Variants in FCER1A observed in about 807,000 individuals in gnomAD.
The protein encoded by FCER1A is Fc epsilon receptor Ia, also known as high affinity immunoglobulin epsilon receptor subunit alpha.
Under a neutral mutation model 23.6 loss-of-function variants are expected in FCER1A, and 24 were observed. The observed-to-expected ratio is 1.02, with a 90% CI of 0.74 to 1.43. The LOEUF is 1.43. Ranked by LOEUF, FCER1A falls within the 40% of genes most tolerant of loss-of-function variation. The pLI is 0.00. For missense variants in FCER1A, 318 were observed against 294.5 expected (o/e 1.08, Z -0.58); for synonymous variants, 121 against 108.8 (o/e 1.11, Z -0.70).
At chr1:159,306,993 T>C (rs1473852757) in intron 4 of FCER1A, among the ~76,000 whole-genome samples, 1 of 152,246 alleles carries the variant, frequency 6.6e-6, no homozygotes, top group Non-Finnish European at 1.5e-5. Flanking sequence ...TCTCTAGGCT[T>C]CCAGTATCTT....
chr1:159,307,890 A>T lies in FCER1A; in HGVS notation c.732A>T (p.Arg244Ser), dbSNP rs1652664054. 1 of 1,613,022 alleles carries T rather than the reference A, an allele frequency of 6.2e-7. No individual in the cohort carries two copies. Among genetic ancestry groups the T allele is most frequent in the South Asian group, 1.1e-5 (1 of 90,992 alleles). The change falls in exon 5 of 5, where the codon AGA becomes AGT. Residue 244 changes from arginine to serine, a missense_variant. Coordinates refer to ENST00000693622, the MANE Select transcript of FCER1A (RefSeq NM_001387280.1). ...TTAAGAGAACCAGGAAAGGCTTCAG[A>T]CTTCTGAACCCACATCCTAAGCCAA... Reference protein sequence around the residue: ...LKIKRTRKGFRLLNPHPKPNP... With the variant: ...LKIKRTRKGFSLLNPHPKPNP...
intron 1 of FCER1A, among the ~76,000 whole-genome samples, chr1:159,293,844 C>A (rs1327175618): frequency 6.6e-6 from 1 of 151,794 alleles, no homozygotes; most frequent in East Asian, 1.9e-4. Context: ...TATCCAGAAT[C>A]TACAATGAAC....
intron 1 of FCER1A, among the ~76,000 whole-genome samples, chr1:159,290,093 T>A: frequency 6.6e-6 from 1 of 152,176 alleles, no homozygotes; most frequent in East Asian, 1.9e-4. Context: ...GAAGAACCTA[T>A]GTCCCATGCA....
chr1:159,299,413 C>T (rs1052701431), upstream of FCER1A, among the ~76,000 whole-genome samples: 7 of 152,160 alleles, frequency 4.6e-5, no homozygotes, highest in Admixed American at 6.5e-5. Context: ...CTGCCAGGCA[C>T]GTCCCGAAAC....
At chr1:159,291,712 C>T (rs1652157480) in intron 1 of FCER1A, among the ~76,000 whole-genome samples, 1 of 152,098 alleles carries the variant, frequency 6.6e-6, no homozygotes, top group African/African-American at 2.4e-5. Context: ...AGAATCCTCC[C>T]TTAACCCCAC....
At chr1:159,289,842 A>C (rs1272731612) in intron 1 of FCER1A, 1 of 152,154 alleles carries the variant, frequency 6.6e-6, no homozygotes, top group African/African-American at 2.4e-5. Context: ...TCCAGATATC[A>C]GCCCCTTCCT....
intron 1 of FCER1A, among the ~76,000 whole-genome samples, chr1:159,297,067 G>T (rs1454963506): frequency 2.6e-5 from 4 of 152,284 alleles, no homozygotes; most frequent in African/African-American, 4.8e-5. Context: ...TCCTTTAAGA[G>T]ATTTCTCTTT....
intron 3 of FCER1A, 60 bp downstream of exon 3, chr1:159,304,242 T>C: frequency 1.4e-5 from 22 of 1,540,200 alleles, no homozygotes; most frequent in Non-Finnish European, 2.0e-5. Flanking sequence ...CATCTGAAGA[T>C]GGGAAAAAAC....
intron 2 of FCER1A, among the ~76,000 whole-genome samples, chr1:159,303,166 T>C (rs1195711986): frequency 6.6e-6 from 1 of 152,188 alleles, no homozygotes; most frequent in Non-Finnish European, 1.5e-5. Context: ...AATTACATTA[T>C]TATTATTATT....
At chr1:159,304,448 A>T (rs1189791325) in intron 3 of FCER1A, among the ~76,000 whole-genome samples, 1 of 151,992 alleles carries the variant, frequency 6.6e-6, no homozygotes, top group South Asian at 2.1e-4. Flanking sequence ...AAAAATATAT[A>T]TATATAAAAT....
chr1:159,289,799 G>A (rs1164715518), intron 1 of FCER1A: 1 of 152,086 alleles, frequency 6.6e-6, no homozygotes. Flanking sequence ...GGAGGTAAAG[G>A]GTGATGGCCA....
At chr1:159,287,127 C>A (rs756330726), upstream of FCER1A, among the ~76,000 whole-genome samples, 5 of 152,162 alleles carry the variant, frequency 3.3e-5, no homozygotes, top group Non-Finnish European at 5.9e-5. Context: ...ACCCATGCTT[C>A]CAACTACATA....
intron 3 of FCER1A, among the ~76,000 whole-genome samples, chr1:159,304,383 C>A (rs924845140): frequency 6.6e-6 from 1 of 152,020 alleles, no homozygotes; most frequent in African/African-American, 2.4e-5. Flanking sequence ...AGGTGGATCA[C>A]GAGGTCAGGA....
Position 159,307,744 on chromosome 1 carries a change from A to G in FCER1A, c.590-4A>G. 6.3e-7 allele frequency: 1 copy of G among 1,593,984 alleles called. No homozygotes were observed. The highest frequency in any genetic ancestry group is 8.6e-7 in the Non-Finnish European group (1 of 1,164,468). The stretch of plus-strand genomic sequence containing the variant: ...TTTCTCATTGCATCTGTGTTCCACT[A>G]CAGCTCCGCGTGAGAAGTACTGGCT... On this transcript the variant is annotated splice_polypyrimidine_tract_variant and splice_region_variant and intron_variant, in intron 4 of 4. Coordinates refer to ENST00000693622, the MANE Select transcript of FCER1A (RefSeq NM_001387280.1).
At chr1:159,289,006 A>G (rs187608965), upstream of FCER1A, among the ~76,000 whole-genome samples, 2 of 152,334 alleles carry the variant, frequency 1.3e-5, no homozygotes, top group East Asian at 1.9e-4. Flanking sequence ...CTATACTTTA[A>G]GACTTATGAT....
chr1:159,292,461 A>G (rs1652178222), intron 1 of FCER1A, among the ~76,000 whole-genome samples: 1 of 152,028 alleles, frequency 6.6e-6, no homozygotes, highest in African/African-American at 2.4e-5. Flanking sequence ...GTGCCCTCCA[A>G]TCTGTCAGTA....
At chr1:159,302,297 G>T, upstream of FCER1A, 2 of 1,051,854 alleles carry the variant, frequency 1.9e-6, no homozygotes, top group Non-Finnish European at 3.0e-6. Flanking sequence ...TCTGCTTTTT[G>T]GTTTTAAGCC....
At chr1:159,297,217 C>T (rs999527006) in intron 1 of FCER1A, among the ~76,000 whole-genome samples, 2 of 152,222 alleles carry the variant, frequency 1.3e-5, no homozygotes, top group African/African-American at 2.4e-5. Flanking sequence ...AACTTCCTAA[C>T]GCCACTTCTG....
chr1:159,307,660 TTTC>T, intron 4 of FCER1A, 85 bp from the exon 5 acceptor site: 1 of 978,000 alleles, frequency 1.0e-6, no homozygotes, highest in Non-Finnish European at 1.5e-6. Flanking sequence ...AAGCTTGGTC[TTTC>T]TCTTAGGGAG....
Sources: gnomAD v4.1 joint callset for allele counts (sites outside exome capture counted in the v4.1 genomes callset) on GRCh38, gnomAD v4.1.1 for gene constraint, MANE v1.5 for transcripts, NCBI Gene and HGNC (gene_info 2026-07-23, HGNC 2026-07-21) for gene names.